Variants in SULF1 observed in about 807,000 individuals in gnomAD.
SULF1 encodes the protein sulfatase 1.
A neutral mutation model predicts 110.5 loss-of-function variants in SULF1; 46 were observed. That is an observed-to-expected ratio of 0.42 (90% CI 0.33 to 0.53). The LOEUF is 0.53. Among genes scored for constraint, SULF1 ranks in the 20% least tolerant of loss-of-function variants. SULF1 has a pLI of 0.12. For missense variants in SULF1, 941 were observed against 1,094.2 expected (o/e 0.86, Z 1.98); for synonymous variants, 371 against 387.1 (o/e 0.96, Z 0.49).
At chr8:69,503,225 T>C (rs1360530322) in intron 3 of SULF1, among the ~76,000 whole-genome samples, 1 of 152,230 alleles carries the variant, frequency 6.6e-6, no homozygotes, top group African/African-American at 2.4e-5. Context: ...TCAAAGTGTA[T>C]AAGACAGGTT....
Position 69,621,185 on chromosome 8 carries a change from G to A in SULF1, c.1528G>A (p.Gly510Ser), listed in dbSNP as rs1278396043. ...KDKECSCRES[G>S]YRASRSQRKS... Reference sequence around the variant, plus strand: ...CAAAGAGTGCAGTTGTAGGGAGTCTGGTTACCGTGCCAGCAGAAGCCAAAG... The same window carrying A: ...CAAAGAGTGCAGTTGTAGGGAGTCTAGTTACCGTGCCAGCAGAAGCCAAAG... The change falls in exon 14 of 23, where the codon GGT (glycine) becomes AGT (serine). Residue 510 changes from glycine (G) to serine (S), a missense_variant. Gly to Ser is a moderately conservative substitution (Grantham distance 56, BLOSUM62 0). Transcript: ENST00000402687. 3.1e-6 allele frequency: 5 copies of A among 1,613,980 alleles called. No homozygotes were observed. The highest frequency in any genetic ancestry group is 3.3e-5 in the Admixed American group (2 of 60,000).
intron 3 of SULF1, among the ~76,000 whole-genome samples, chr8:69,520,624 A>G (rs899358008): frequency 2.6e-5 from 4 of 152,230 alleles, no homozygotes; most frequent in African/African-American, 9.6e-5. Context: ...ATTTAAAACT[A>G]AAGGTTTTAT....
intron 3 of SULF1, among the ~76,000 whole-genome samples, chr8:69,509,567 T>C (rs1261492282): frequency 6.6e-6 from 1 of 152,202 alleles, no homozygotes; most frequent in Non-Finnish European, 1.5e-5. Flanking sequence ...TTAACTCACC[T>C]GGGACATGTG....
intron 22 of SULF1, among the ~76,000 whole-genome samples, chr8:69,646,938 A>ATTCTTTTT (rs1811955183): frequency 1.0e-5 from 1 of 97,740 alleles, no homozygotes; most frequent in African/African-American, 3.9e-5. Flanking sequence ...GAGCCCTGGA[A>ATTCTTTTT]TTTTTTTTTT....
intron 16 of SULF1, 63 bp downstream of exon 16, chr8:69,627,369 C>T: frequency 8.0e-7 from 1 of 1,250,810 alleles, no homozygotes; most frequent in Non-Finnish European, 1.2e-6. Flanking sequence ...GCCAGCCCTG[C>T]TGTGTCTGGT....
chr8:69,623,271 T>G (rs920483100), intron 14 of SULF1, among the ~76,000 whole-genome samples: 1 of 152,168 alleles, frequency 6.6e-6, no homozygotes. Flanking sequence ...TCTAGAGCAT[T>G]TGCCTCTTTG....
chr8:69,517,701 T>TTA (rs1812027456), intron 3 of SULF1, among the ~76,000 whole-genome samples: 2 of 151,962 alleles, frequency 1.3e-5, no homozygotes, highest in African/African-American at 4.8e-5. Context: ...GAATAGAAAA[T>TTA]AAGAGAAAAA....
At chr8:69,543,512 T>C (rs1483071850) in intron 3 of SULF1, among the ~76,000 whole-genome samples, 1 of 152,184 alleles carries the variant, frequency 6.6e-6, no homozygotes, top group Non-Finnish European at 1.5e-5. Flanking sequence ...CTGAGGATAA[T>C]GGTTTCCAGC....
chr8:69,583,255 A>C (rs574949013), intron 6 of SULF1, among the ~76,000 whole-genome samples: 22 of 152,252 alleles, frequency 1.4e-4, no homozygotes, highest in Non-Finnish European at 3.1e-4. Context: ...TTGAAGGCCA[A>C]ATCAGCTTTA....
intron 3 of SULF1, among the ~76,000 whole-genome samples, chr8:69,512,800 G>C (rs74493361): frequency 6.6e-6 from 1 of 152,102 alleles, no homozygotes; most frequent in African/African-American, 2.4e-5. Flanking sequence ...GACTGCTCTT[G>C]CTTCCTCAGA....
At chr8:69,633,961 A>G (rs1279041282) in intron 19 of SULF1, among the ~76,000 whole-genome samples, 2 of 152,188 alleles carry the variant, frequency 1.3e-5, no homozygotes, top group African/African-American at 4.8e-5. Context: ...AGATTTCTAC[A>G]CAGATTAGAA....
chr8:69,622,548 G>T (rs1345967508), intron 14 of SULF1, among the ~76,000 whole-genome samples: 1 of 151,216 alleles, frequency 6.6e-6, no homozygotes, highest in East Asian at 1.9e-4. Flanking sequence ...TCGCACCACT[G>T]CACTCCAGCC....
chr8:69,647,850 C>T (rs541755141), intron 22 of SULF1, among the ~76,000 whole-genome samples: 29 of 151,938 alleles, frequency 1.9e-4, no homozygotes, highest in Middle Eastern at 3.4e-3. Context: ...CAAGATCGCG[C>T]CATTGCACTC....
At chr8:69,559,768 G>C (rs1308647038) in intron 3 of SULF1, among the ~76,000 whole-genome samples, 2 of 151,768 alleles carry the variant, frequency 1.3e-5, no homozygotes, top group Non-Finnish European at 2.9e-5. Flanking sequence ...AAGGGACTTT[G>C]TGTGAACCTC....
intron 13 of SULF1, among the ~76,000 whole-genome samples, chr8:69,607,248 T>C (rs1343951035): frequency 6.6e-6 from 1 of 152,256 alleles, no homozygotes; most frequent in East Asian, 1.9e-4. Context: ...CGATTGTGTT[T>C]ACTGGTGGCC....
At chr8:69,632,136 G>A (rs756516196) in intron 19 of SULF1, among the ~76,000 whole-genome samples, 1 of 152,174 alleles carries the variant, frequency 6.6e-6, no homozygotes, top group Non-Finnish European at 1.5e-5. Flanking sequence ...CTGCCACTGG[G>A]TGTCACTGTG....
chr8:69,642,897 A>T (rs751112521), intron 22 of SULF1, among the ~76,000 whole-genome samples: 12 of 152,184 alleles, frequency 7.9e-5, no homozygotes, highest in Non-Finnish European at 1.3e-4. Context: ...ACCACCACTC[A>T]ATCGGCCAGA....
chr8:69,489,611 C>CT (rs1386606263), upstream of SULF1, among the ~76,000 whole-genome samples: 4 of 115,200 alleles, frequency 3.5e-5, no homozygotes, highest in Non-Finnish European at 4.9e-5. Flanking sequence ...GAGTCTTGCT[C>CT]TGTCGCCCAG....
At chr8:69,619,666 T>G (rs1809451799) in intron 13 of SULF1, among the ~76,000 whole-genome samples, 1 of 152,240 alleles carries the variant, frequency 6.6e-6, no homozygotes, top group Non-Finnish European at 1.5e-5. Context: ...ATGCCCACTC[T>G]CTGCCGAGTA....
Sources: gnomAD v4.1 joint callset for allele counts (sites outside exome capture counted in the v4.1 genomes callset) on GRCh38, gnomAD v4.1.1 for gene constraint, MANE v1.5 for transcripts, NCBI Gene and HGNC (gene_info 2026-07-23, HGNC 2026-07-21) for gene names.